CALY: variants seen among roughly 807,000 people sequenced by gnomAD.
CALY encodes neuron-specific vesicular protein calcyon.
In CALY, 15 loss-of-function variants were observed where a neutral mutation model predicts 20.2. The ratio of observed to expected loss-of-function variants is 0.74; its 90% CI spans 0.50 to 1.14. The LOEUF (loss-of-function observed/expected upper bound fraction) is 1.14. Ranked by LOEUF, CALY falls within the 50% of genes most tolerant of loss-of-function variation. The pLI is 0.00. For synonymous variants in CALY, 129 were observed against 131.8 expected (o/e 0.98, Z 0.15); for missense variants, 270 against 304.4 (o/e 0.89, Z 0.84).
At chr10:133,336,614 G>A (rs2133388491) in intron 1 of CALY, among the ~76,000 whole-genome samples, 1 of 152,344 alleles carries the variant, frequency 6.6e-6, no homozygotes, top group African/African-American at 2.4e-5. Flanking sequence ...AGCCAGAGGA[G>A]GCCCGAGGGA....
rs747094733 is a variant in CALY, at chr10:133,328,976, C to T, written c.14G>A (p.Gly5Asp). The change falls in exon 2 of 6, where the codon GGC becomes GAC. Residue 5 changes from glycine to aspartate, a missense_variant. Transcript: ENST00000252939. MVKL[G>D]CSFSGKPGKD... The stretch of plus-strand genomic sequence containing the variant: ...ACCTGGCTTCCCAGAGAAGCTGCAG[C>T]CCAGCTTCACCATGGTGGATGGCAG... 11 of 1,563,452 alleles carry T rather than the reference C, an allele frequency of 7.0e-6. No individual in the cohort carries two copies. The South Asian group carries it at 9.4e-5, about 13-fold the overall frequency.
At position 133,330,657 on chromosome 10, in the gene CALY, C is replaced by CAA. The variant is rs58004815; in HGVS notation, c.-20-1650_-20-1649dup. The stretch of plus-strand genomic sequence containing the variant: ...TGGGTGACAGAGAGAGACTCCGTCT[C>CAA]AAAAAAAAAAAAAAAAGGAATCTGT... On this transcript the variant is annotated intron_variant, in intron 1 of 5. Transcript: ENST00000252939. 1.3e-3 allele frequency among the ~76,000 whole-genome samples: 60 copies of CAA among 44,848 alleles called. 9 individuals carry two copies. Among genetic ancestry groups the CAA allele is most frequent in the South Asian group, 0.011 (9 of 812 alleles). The allele number at this position is 44,848 out of a possible 152,430, so 29.4% of individuals were successfully genotyped here.
At chr10:133,326,388 G>A (rs185989239) in intron 4 of CALY, 261 of 879,244 alleles carry the variant, frequency 3.0e-4, no homozygotes, top group Non-Finnish European at 4.4e-4. Flanking sequence ...ACTCTGCGGA[G>A]CGCGCTCCAG....
rs1040229434 is a variant in CALY, at chr10:133,329,323, TTTC to T, written c.-20-317_-20-315del. On this transcript the variant is annotated intron_variant, in intron 1 of 5. Transcript: ENST00000252939. The stretch of plus-strand genomic sequence containing the variant: ...AGCTGCTCTAGACAACCTCCTCTTT[TTTC>T]TTCTTCTTCCACTGGTGGCTGCTCT... 3.3e-5 allele frequency among the ~76,000 whole-genome samples: 5 copies of T among 151,838 alleles called. No homozygotes were observed. In the South Asian group the frequency reaches 6.2e-4, roughly 19 times the overall value.
Position 133,324,313 on chromosome 10 carries a change from TC to T in CALY, c.*1281del, listed in dbSNP as rs776377205. 3 of 455,514 alleles carry T rather than the reference TC, an allele frequency of 6.6e-6. No individual in the cohort carries two copies. Among genetic ancestry groups the T allele is most frequent in the Non-Finnish European group, 8.8e-6 (2 of 226,672 alleles). The allele number at this position is 455,514 out of a possible 1,614,324, so 28.2% of individuals were successfully genotyped here. A position where few individuals can be genotyped will look rare whatever the true frequency, so the allele number is the denominator to read the frequency against. ...GGCTGGCTTCCAGCTCACCATGGCTTCCCTGGCAGGCCCAGTTCACAGGCTT... is the reference window on the plus strand; with the variant it reads ...GGCTGGCTTCCAGCTCACCATGGCTTCCTGGCAGGCCCAGTTCACAGGCTT... On this transcript the variant is annotated 3_prime_UTR_variant, in exon 6 of 6. Transcript: ENST00000252939.
At chr10:133,325,678 CG>C (rs1433172081) in intron 5 of CALY, 112 bp from the exon 6 acceptor site, 2 of 448,392 alleles carry the variant, frequency 4.5e-6, no homozygotes, top group East Asian at 9.4e-5. Flanking sequence ...GAGGTTCTGG[CG>C]GGCCGGGTCG....
intron 3 of CALY, 59 bp from the exon 4 acceptor site, chr10:133,327,050 G>A: frequency 1.7e-6 from 2 of 1,173,516 alleles, no homozygotes; most frequent in Non-Finnish European, 2.5e-6. Context: ...TTTGTGGGGA[G>A]CTCCTCAGGG....
chr10:133,325,791 G>A lies in CALY; in HGVS notation c.*28+8C>T. The A allele has an allele frequency of 8.8e-7, 1 of 1,140,074 alleles. No individual in the cohort carries two copies. 70.6% of individuals were successfully genotyped at this position (1,140,074 alleles called of 1,614,324 possible). Reference sequence around the variant, plus strand: ...AGAGCCGGCCGGAGCCCCGCGGCGCGCACCTACCCCGGGCCGGGCTGCGGG... The same window carrying A: ...AGAGCCGGCCGGAGCCCCGCGGCGCACACCTACCCCGGGCCGGGCTGCGGG... On this transcript the variant is annotated splice_region_variant and intron_variant, in intron 5 of 5. Coordinates refer to ENST00000252939, the MANE Select transcript of CALY (RefSeq NM_015722.4).
At chr10:133,327,012 G>A (rs749721591) in intron 3 of CALY, 21 bp from the exon 4 acceptor site, 3 of 1,552,320 alleles carry the variant, frequency 1.9e-6, no homozygotes, top group South Asian at 2.3e-5. Flanking sequence ...GGCAGAGAGG[G>A]GCTCAGCCAC....
chr10:133,335,992 T>A (rs967911704), intron 1 of CALY, among the ~76,000 whole-genome samples: 2 of 152,020 alleles, frequency 1.3e-5, no homozygotes, highest in African/African-American at 4.8e-5. Context: ...CAGACTCGCT[T>A]CCGCATGCGC....
intron 1 of CALY, among the ~76,000 whole-genome samples, chr10:133,335,029 G>A (rs1231835031): frequency 6.6e-6 from 1 of 152,196 alleles, no homozygotes; most frequent in Non-Finnish European, 1.5e-5. Context: ...GTGTGTGCAG[G>A]CGGAGACGGA....
At position 133,324,749 on chromosome 10, in the gene CALY, G is replaced by T. The variant is rs1475988781; in HGVS notation, c.*846C>A. 1.1e-5 allele frequency: 2 copies of T among 185,562 alleles called. No individual in the cohort carries two copies. The highest frequency in any genetic ancestry group is 2.2e-5 in the Non-Finnish European group (2 of 91,418). The allele number at this position is 185,562 out of a possible 1,614,324, so 11.5% of individuals were successfully genotyped here. A position where few individuals can be genotyped will look rare whatever the true frequency, so the allele number is the denominator to read the frequency against. ...CCGGGAGTTGGCTGGGGCTGGGGTG[G>T]GGATGCTGGGGCTGGGGTGGGGATG... On this transcript the variant is annotated 3_prime_UTR_variant, in exon 6 of 6. Transcript: ENST00000252939.
Position 133,328,971 on chromosome 10 carries a change from T to G in CALY, c.19A>C (p.Ser7Arg). Residue 7 changes from serine to arginine, a missense_variant, in exon 2 of 6, where the codon AGC (serine) becomes CGC (arginine). By Grantham distance (110) the Ser-to-Arg change is moderately radical. Coordinates refer to ENST00000252939, the MANE Select transcript of CALY (RefSeq NM_015722.4). Reference protein sequence around the residue: MVKLGCSFSGKPGKDPG... With the variant: MVKLGCRFSGKPGKDPG... ...TCTTTACCTGGCTTCCCAGAGAAGC[T>G]GCAGCCCAGCTTCACCATGGTGGAT... 6.4e-7 allele frequency: 1 copy of G among 1,564,948 alleles called. No individual in the cohort carries two copies. The highest frequency in any genetic ancestry group is 8.7e-7 in the Non-Finnish European group (1 of 1,153,712).
At position 133,328,016 on chromosome 10, in the gene CALY, C is replaced by T. The variant is rs1328819415; in HGVS notation, c.136-1G>A. On this transcript the variant is annotated splice_acceptor_variant, in intron 2 of 5. Transcript: ENST00000252939. LOFTEE classifies it high-confidence loss of function. ...ATTCTGTCTGTGTCTTGATGACCACCTGTGAAAAGAGATGGCCATGGCCTC... is the reference window on the plus strand; with the variant it reads ...ATTCTGTCTGTGTCTTGATGACCACTTGTGAAAAGAGATGGCCATGGCCTC... The T allele has an allele frequency of 1.3e-6, 2 of 1,596,606 alleles. No homozygotes were observed. The highest frequency in any genetic ancestry group is 8.6e-7 in the Non-Finnish European group (1 of 1,167,222).
At chr10:133,327,647 CG>C (rs1158137201) in intron 3 of CALY, 5 of 611,328 alleles carry the variant, frequency 8.2e-6, no homozygotes, top group Non-Finnish European at 1.5e-5. Context: ...GCAGCACTCG[CG>C]GGCACTTCCC....
intron 1 of CALY, among the ~76,000 whole-genome samples, chr10:133,335,561 G>A (rs557460010): frequency 9.7e-4 from 147 of 152,320 alleles, no homozygotes; most frequent in Non-Finnish European, 1.6e-3. Flanking sequence ...TCTGGTTCCG[G>A]GCCCAGCGCC....
rs1053888549 is a variant in CALY, at chr10:133,328,034, A to G, written c.136-19T>C. The G allele has an allele frequency of 3.4e-5, 52 of 1,516,762 alleles. No homozygotes were observed. The highest frequency in any genetic ancestry group is 4.6e-5 in the Non-Finnish European group (50 of 1,098,492). The allele number at this position is 1,516,762 out of a possible 1,614,324, so 94.0% of individuals were successfully genotyped here. A position where few individuals can be genotyped will look rare whatever the true frequency, so the allele number is the denominator to read the frequency against. On this transcript the variant is annotated intron_variant, in intron 2 of 5. Transcript: ENST00000252939. ...TGACCACCTGTGAAAAGAGATGGCC[A>G]TGGCCTCAGTAGGCAGCTGGCAGGG...
At chr10:133,331,432 G>C (rs1157051336) in intron 1 of CALY, among the ~76,000 whole-genome samples, 2 of 152,164 alleles carry the variant, frequency 1.3e-5, no homozygotes, top group African/African-American at 4.8e-5. Context: ...AAGGTTGTTG[G>C]ATTTAAGGTA....
chr10:133,327,376 G>T, intron 3 of CALY: 1 of 494,038 alleles, frequency 2.0e-6, no homozygotes. Context: ...TGCCCACAGT[G>T]GGTGCATGTG....
Sources: allele counts gnomAD v4.1 joint callset (sites outside exome capture counted in the v4.1 genomes callset), GRCh38; gene constraint gnomAD v4.1.1; transcripts MANE v1.5; gene names NCBI Gene and HGNC (gene_info 2026-07-23, HGNC 2026-07-21).